LRIG1: variants seen among roughly 807,000 people sequenced by gnomAD.
LRIG1 encodes the protein leucine-rich repeats and immunoglobulin-like domains protein 1.
LRIG1 carries 48 observed loss-of-function variants against 99.2 expected under a neutral mutation model. That is an observed-to-expected ratio of 0.48 (90% confidence interval 0.38 to 0.62). LRIG1 has a LOEUF of 0.62. Ranked by LOEUF, LRIG1 falls within the 20% of genes least tolerant of loss-of-function variation. The pLI is 0.00. For missense variants in LRIG1, 1,646 were observed against 1,434.4 expected (o/e 1.15, Z -2.38); for synonymous variants, 772 against 596.1 (o/e 1.29, Z -4.30).
chr3:66,415,182 G>A (rs1022380568), intron 4 of LRIG1, 119 bp from the exon 5 acceptor site: 4 of 977,590 alleles, frequency 4.1e-6, no homozygotes, highest in Admixed American at 5.8e-5. Flanking sequence ...CAGAGGGACA[G>A]GTTTCCAGTG....
chr3:66,414,352 A>C (rs143692200), intron 5 of LRIG1, among the ~76,000 whole-genome samples: 1,626 of 152,146 alleles, frequency 0.011, 36 homozygotes, highest in African/African-American at 0.037. Context: ...AGCTGAGATC[A>C]CACCACTGCA....
intron 1 of LRIG1, among the ~76,000 whole-genome samples, chr3:66,480,065 C>G (rs1010042988): frequency 1.1e-4 from 17 of 152,204 alleles, no homozygotes; most frequent in Non-Finnish European, 1.8e-4. Flanking sequence ...AACAAAGTGT[C>G]CACCAACTGA....
At chr3:66,398,902 C>T (rs1575659760) in intron 10 of LRIG1, 68 bp downstream of exon 10, 2 of 1,308,182 alleles carry the variant, frequency 1.5e-6, no homozygotes, top group East Asian at 2.3e-5. Context: ...GATTAAATTG[C>T]TAGCAGAACT....
intron 2 of LRIG1, among the ~76,000 whole-genome samples, chr3:66,461,030 C>G (rs1700343385): frequency 6.6e-6 from 1 of 152,126 alleles, no homozygotes; most frequent in African/African-American, 2.4e-5. Flanking sequence ...AACAAGTAAG[C>G]CTGGGTGCAA....
intron 3 of LRIG1, among the ~76,000 whole-genome samples, chr3:66,420,670 G>A (rs1057439967): frequency 6.6e-6 from 1 of 152,230 alleles, no homozygotes; most frequent in South Asian, 2.1e-4. Context: ...ATGATGCCAA[G>A]TGAAAGATGC....
At chr3:66,438,557 C>A (rs201807505) in intron 3 of LRIG1, among the ~76,000 whole-genome samples, 1 of 152,266 alleles carries the variant, frequency 6.6e-6, no homozygotes, top group East Asian at 1.9e-4. Flanking sequence ...AAGCCAAGTG[C>A]CCTGACACTC....
chr3:66,439,550 T>A (rs1703472550), intron 3 of LRIG1, among the ~76,000 whole-genome samples: 1 of 150,724 alleles, frequency 6.6e-6, no homozygotes, highest in South Asian at 2.1e-4. Flanking sequence ...AGTTTCTATA[T>A]CATCTATTTA....
chr3:66,465,288 C>T (rs1282336289), intron 1 of LRIG1, among the ~76,000 whole-genome samples: 2 of 148,722 alleles, frequency 1.3e-5, no homozygotes, highest in Non-Finnish European at 3.0e-5. Context: ...CCAGGAACTA[C>T]AATATGAAAT....
chr3:66,465,643 G>C (rs1008337587), intron 1 of LRIG1, among the ~76,000 whole-genome samples: 1 of 152,028 alleles, frequency 6.6e-6, no homozygotes, highest in African/African-American at 2.4e-5. Flanking sequence ...TAGGATTACA[G>C]GTGTGAGCCA....
At chr3:66,458,927 G>T (rs1345157525) in intron 2 of LRIG1, among the ~76,000 whole-genome samples, 1 of 149,104 alleles carries the variant, frequency 6.7e-6, no homozygotes, top group African/African-American at 2.5e-5. Flanking sequence ...TAAGGCAGGG[G>T]AATCACTTGA....
intron 1 of LRIG1, among the ~76,000 whole-genome samples, chr3:66,489,845 A>G (rs960625736): frequency 3.3e-5 from 5 of 152,056 alleles, no homozygotes; most frequent in Admixed American, 1.3e-4. Flanking sequence ...CACTTTCATG[A>G]CTTTAAGAAA....
chr3:66,462,343 C>T (rs941248895), intron 2 of LRIG1, 95 bp downstream of exon 2: 10 of 846,398 alleles, frequency 1.2e-5, no homozygotes, highest in East Asian at 5.2e-5. Flanking sequence ...GTTTACACTG[C>T]GGATCTAGGG....
chr3:66,471,400 C>T (rs962166445), intron 1 of LRIG1, among the ~76,000 whole-genome samples: 4 of 152,194 alleles, frequency 2.6e-5, no homozygotes, highest in African/African-American at 9.6e-5. Flanking sequence ...CATCCAGTAA[C>T]AGAGCTGAAT....
intron 3 of LRIG1, among the ~76,000 whole-genome samples, chr3:66,445,436 C>A (rs1272935611): frequency 2.6e-5 from 4 of 152,124 alleles, no homozygotes; most frequent in Non-Finnish European, 4.4e-5. Flanking sequence ...TAGGTCCACT[C>A]TTAATCTGGT....
At chr3:66,413,122 T>C (rs988467838) in intron 5 of LRIG1, 108 bp from the exon 6 acceptor site, 1 of 1,288,106 alleles carries the variant, frequency 7.8e-7, no homozygotes, top group African/African-American at 1.5e-5. Context: ...GAAATCCCAG[T>C]GCAGGGATCC....
chr3:66,412,798 C>T (rs1015500254), intron 6 of LRIG1, 73 bp downstream of exon 6: 5 of 1,558,568 alleles, frequency 3.2e-6, no homozygotes, highest in Non-Finnish European at 4.4e-6. Flanking sequence ...TGCATGCGCA[C>T]ACACACACAC....
chr3:66,495,486 T>C (rs1034813339), intron 1 of LRIG1, among the ~76,000 whole-genome samples: 3 of 152,226 alleles, frequency 2.0e-5, no homozygotes, highest in Non-Finnish European at 4.4e-5. Flanking sequence ...AAGTTAGGCT[T>C]GCTCGTGAAA....
At chr3:66,493,470 G>A (rs1701150860) in intron 1 of LRIG1, among the ~76,000 whole-genome samples, 1 of 152,176 alleles carries the variant, frequency 6.6e-6, no homozygotes, top group Non-Finnish European at 1.5e-5. Context: ...AAGGGTACAT[G>A]AGGTTCACTT....
chr3:66,382,452 G>T, intron 15 of LRIG1, 54 bp from the exon 16 acceptor site: 2 of 1,606,290 alleles, frequency 1.2e-6, no homozygotes, highest in South Asian at 2.2e-5. Context: ...AAGAAATGCA[G>T]ACACACGTTC....
Sources: allele counts gnomAD v4.1 joint callset (sites outside exome capture counted in the v4.1 genomes callset), GRCh38; gene constraint gnomAD v4.1.1; transcripts MANE v1.5; gene names NCBI Gene and HGNC (gene_info 2026-07-23, HGNC 2026-07-21).